Variants in KDSR observed in about 807,000 individuals in gnomAD.
The protein encoded by KDSR is 3-dehydrosphinganine reductase.
A neutral mutation model predicts 41.3 loss-of-function variants in KDSR; 23 were observed. The observed-to-expected ratio is 0.56, with a 90% CI of 0.40 to 0.79. The LOEUF (loss-of-function observed/expected upper bound fraction) is 0.79. KDSR is among the 30% of genes least tolerant of loss of function. KDSR has a pLI of 0.00. For missense variants in KDSR, 351 were observed against 416.8 expected, an observed-to-expected ratio of 0.84 and a Z score of 1.37; for synonymous variants, 138 against 151.7, an observed-to-expected ratio of 0.91 and a Z score of 0.66.
chr18:63,335,433 C>G, intron 8 of KDSR, 75 bp from the exon 9 acceptor site: 1 of 984,168 alleles, frequency 1.0e-6, no homozygotes, highest in Non-Finnish European at 1.6e-6. Flanking sequence ...ACATCAGAAA[C>G]AGTGGAGTGT....
intron 2 of KDSR, among the ~76,000 whole-genome samples, chr18:63,360,942 G>T (rs531552445): frequency 7.6e-6 from 1 of 130,864 alleles, no homozygotes; most frequent in Non-Finnish European, 1.6e-5. Flanking sequence ...ATCACTTAAG[G>T]TCAGGAGTTT....
chr18:63,356,466 A>T (rs1282930389), intron 3 of KDSR, among the ~76,000 whole-genome samples: 1 of 152,156 alleles, frequency 6.6e-6, no homozygotes, highest in South Asian at 2.1e-4. Flanking sequence ...GCAGTATTAG[A>T]TCAGTTACTA....
rs139779062 is a variant in KDSR, at chr18:63,355,774, A to G, written c.256-211T>C. On this transcript the variant is annotated intron_variant, in intron 3 of 9. Transcript: ENST00000645214. ...CTCTGAGGAATCTTTTTAAAAATAT[A>G]TAAATGCTCCTCTTGAAATGCCACT... Among the ~76,000 whole-genome samples the G allele has an allele frequency of 2.3e-3, 343 of 152,360 alleles. 1 individual carries two copies. The highest frequency in any genetic ancestry group is 7.5e-3 in the African/African-American group (311 of 41,588).
chr18:63,349,311 A>T (rs1458019562), intron 6 of KDSR, among the ~76,000 whole-genome samples: 1 of 152,142 alleles, frequency 6.6e-6, no homozygotes, highest in Admixed American at 6.6e-5. Context: ...TGAGCCAAGG[A>T]GCTCAGGGCT....
At chr18:63,364,057 C>T (rs1248961860) in intron 1 of KDSR, among the ~76,000 whole-genome samples, 2 of 152,154 alleles carry the variant, frequency 1.3e-5, no homozygotes, top group African/African-American at 2.4e-5. Context: ...CAGAAGATTA[C>T]TGTAAAAACC....
intron 6 of KDSR, chr18:63,344,814 A>T: frequency 4.2e-6 from 1 of 240,710 alleles, no homozygotes; most frequent in Non-Finnish European, 8.1e-6. Context: ...GTGTTTTAAA[A>T]AGAGTCCAGT....
intron 7 of KDSR, among the ~76,000 whole-genome samples, chr18:63,342,290 A>T (rs2615197): frequency 6.6e-6 from 1 of 151,884 alleles, no homozygotes; most frequent in Non-Finnish European, 1.5e-5. Flanking sequence ...TTATAGCTCC[A>T]CCAAAATGAG....
chr18:63,345,481 C>G (rs1914472873), intron 6 of KDSR: 1 of 152,242 alleles, frequency 6.6e-6, no homozygotes, highest in Non-Finnish European at 1.5e-5. Context: ...ATGAAAATCT[C>G]TTTGCCATGA....
chr18:63,356,026 G>A (rs895387581), intron 3 of KDSR, among the ~76,000 whole-genome samples: 10 of 152,218 alleles, frequency 6.6e-5, no homozygotes, highest in Non-Finnish European at 1.3e-4. Context: ...CTAGTCTAGA[G>A]GGGTTGCCCT....
At chr18:63,363,867 C>T (rs746750309) in intron 1 of KDSR, among the ~76,000 whole-genome samples, 2 of 152,184 alleles carry the variant, frequency 1.3e-5, no homozygotes, top group Non-Finnish European at 2.9e-5. Flanking sequence ...CACTGTTATA[C>T]ATAAATCATG....
At chr18:63,360,717 T>C (rs1456890482) in intron 2 of KDSR, among the ~76,000 whole-genome samples, 2 of 151,374 alleles carry the variant, frequency 1.3e-5, no homozygotes, top group African/African-American at 4.9e-5. Flanking sequence ...GCCCCGTCTC[T>C]ACCAAAAATA....
intron 8 of KDSR, among the ~76,000 whole-genome samples, chr18:63,336,783 G>A (rs1399273424): frequency 6.6e-6 from 1 of 152,064 alleles, no homozygotes; most frequent in East Asian, 1.9e-4. Context: ...TGTTGAGTTT[G>A]GGTTTGATAT....
intron 6 of KDSR, chr18:63,346,655 C>T (rs1479021143): frequency 6.6e-6 from 1 of 152,178 alleles, no homozygotes; most frequent in Non-Finnish European, 1.5e-5. Context: ...GAAACCAGTC[C>T]AGTCGCTTCC....
chr18:63,350,864 T>C (rs201388139), intron 6 of KDSR, 24 bp downstream of exon 6: 5 of 1,560,860 alleles, frequency 3.2e-6, no homozygotes, highest in Non-Finnish European at 4.4e-6. Context: ...GAGGAATAAA[T>C]ACAAAAATGA....
intron 1 of KDSR, among the ~76,000 whole-genome samples, chr18:63,363,220 T>TC (rs1491162259): frequency 2.3e-4 from 29 of 126,242 alleles, no homozygotes; most frequent in African/African-American, 8.7e-4. Flanking sequence ...TTTTTTTTTC[T>TC]TTTTTTTTTT....
chr18:63,352,468 C>A (rs531969343), intron 5 of KDSR, among the ~76,000 whole-genome samples: 1 of 152,214 alleles, frequency 6.6e-6, no homozygotes, highest in African/African-American at 2.4e-5. Flanking sequence ...GCGCCAGCCA[C>A]CATGCCTAGC....
chr18:63,359,649 A>G (rs1286055010), intron 3 of KDSR, 87 bp downstream of exon 3: 15 of 859,216 alleles, frequency 1.7e-5, no homozygotes. Context: ...CTTTCAATTA[A>G]CTATTCACAG....
rs1424244608 is a variant in KDSR, at chr18:63,329,369, C to T, written c.*2413G>A. ...TATTTCTTCAGGGAAAATTAAGTCACAATGAAGTAGCATAAATATAAAGTA... is the reference window on the plus strand; with the variant it reads ...TATTTCTTCAGGGAAAATTAAGTCATAATGAAGTAGCATAAATATAAAGTA... On this transcript the variant is annotated 3_prime_UTR_variant, in exon 10 of 10. Transcript: ENST00000645214. 4.8e-6 allele frequency: 1 copy of T among 208,688 alleles called. No individual in the cohort carries two copies. The highest frequency in any genetic ancestry group is 9.8e-6 in the Non-Finnish European group (1 of 102,522). 12.9% of individuals were successfully genotyped at this position (208,688 alleles called of 1,614,324 possible).
intron 1 of KDSR, among the ~76,000 whole-genome samples, chr18:63,363,905 T>A (rs1599341931): frequency 6.6e-6 from 1 of 152,164 alleles, no homozygotes; most frequent in Non-Finnish European, 1.5e-5. Context: ...GACTCCATGT[T>A]AGGATTTTAA....
Sources: allele counts gnomAD v4.1 joint callset (sites outside exome capture counted in the v4.1 genomes callset), GRCh38; gene constraint gnomAD v4.1.1; transcripts MANE v1.5; gene names NCBI Gene and HGNC (gene_info 2026-07-23, HGNC 2026-07-21).